CBFB: variants seen among roughly 807,000 people sequenced by gnomAD.
CBFB encodes the protein CBF-beta.
In CBFB, 9 loss-of-function variants were observed where a neutral mutation model predicts 30.4. The observed-to-expected ratio is 0.30, with a 90% CI of 0.18 to 0.52. CBFB has a LOEUF of 0.52. Ranked by LOEUF, CBFB falls within the 20% of genes least tolerant of loss-of-function variation. The pLI is 0.97. For missense variants in CBFB, 170 were observed against 244.0 expected (o/e 0.70, Z 2.02); for synonymous variants, 94 against 84.0 (o/e 1.12, Z -0.65).
intron 5 of CBFB, among the ~76,000 whole-genome samples, chr16:67,089,768 G>A (rs914581268): frequency 6.6e-6 from 1 of 152,064 alleles, no homozygotes; most frequent in Non-Finnish European, 1.5e-5. Flanking sequence ...TTTGCATCCC[G>A]GCTCCACTAC....
intron 3 of CBFB, among the ~76,000 whole-genome samples, chr16:67,050,141 C>G (rs1966711987): frequency 6.7e-6 from 1 of 148,440 alleles, no homozygotes; most frequent in South Asian, 2.1e-4. Context: ...AGTTACTCTA[C>G]TGATATATAT....
chr16:67,054,008 A>G (rs1184396983), intron 3 of CBFB, among the ~76,000 whole-genome samples: 1 of 152,010 alleles, frequency 6.6e-6, no homozygotes, highest in African/African-American at 2.4e-5. Flanking sequence ...TTTTGCCCTC[A>G]GGATCTTGGT....
At chr16:67,080,309 T>C (rs1388635058) in intron 4 of CBFB, among the ~76,000 whole-genome samples, 1 of 152,144 alleles carries the variant, frequency 6.6e-6, no homozygotes, top group African/African-American at 2.4e-5. Flanking sequence ...TGCAATGGTC[T>C]AAGTGAGATT....
intron 3 of CBFB, among the ~76,000 whole-genome samples, chr16:67,065,198 C>A (rs917951772): frequency 6.6e-6 from 1 of 152,164 alleles, no homozygotes; most frequent in African/African-American, 2.4e-5. Context: ...CGCGCCTAGC[C>A]AGGATGTAGG....
intron 3 of CBFB, among the ~76,000 whole-genome samples, chr16:67,062,620 C>T (rs910768926): frequency 3.3e-5 from 5 of 151,400 alleles, no homozygotes; most frequent in East Asian, 2.0e-4. Context: ...GGTGAAACCC[C>T]GTCTCTACTA....
chr16:67,066,662 C>A lies in CBFB; in HGVS notation c.283-20C>A, dbSNP rs889923429. On this transcript the variant is annotated intron_variant, in intron 3 of 5. Coordinates refer to ENST00000412916, the MANE Select transcript of CBFB (RefSeq NM_022845.3). ...GTGTCTGATGGTTTTCAATTATTTT[C>A]ATCCTTTTCTGTGTCTTAGGTATAT... 5 of 1,295,920 alleles carry A rather than the reference C, an allele frequency of 3.9e-6. No individual in the cohort carries two copies. In the African/African-American group the frequency reaches 5.8e-5, roughly 15 times the overall value. The allele number at this position is 1,295,920 out of a possible 1,614,324, so 80.3% of individuals were successfully genotyped here. A position where few individuals can be genotyped will look rare whatever the true frequency, so the allele number is the denominator to read the frequency against.
At chr16:67,036,522 T>C (rs1966442361) in intron 2 of CBFB, 117 bp from the exon 3 acceptor site, 1 of 620,682 alleles carries the variant, frequency 1.6e-6, no homozygotes, top group Non-Finnish European at 3.0e-6. Context: ...TTTTTACTTT[T>C]AAGTATTCTC....
At chr16:67,044,553 A>G (rs529942823) in intron 3 of CBFB, among the ~76,000 whole-genome samples, 290 of 152,312 alleles carry the variant, frequency 1.9e-3, no homozygotes, top group Non-Finnish European at 3.1e-3. Context: ...TTTATACTTA[A>G]AAGTCTTTTA....
intron 3 of CBFB, among the ~76,000 whole-genome samples, chr16:67,040,034 C>T (rs770547901): frequency 5.3e-5 from 8 of 152,172 alleles, no homozygotes; most frequent in Non-Finnish European, 1.2e-4. Context: ...AAAACTCGTA[C>T]TGTACTGTTC....
intron 5 of CBFB, among the ~76,000 whole-genome samples, chr16:67,094,019 T>C (rs941431029): frequency 3.3e-5 from 5 of 152,206 alleles, no homozygotes; most frequent in Non-Finnish European, 5.9e-5. Flanking sequence ...TTCCTTCATA[T>C]GACGGTCAAT....
intron 1 of CBFB, 114 bp from the exon 2 acceptor site, chr16:67,029,613 G>C: frequency 7.6e-7 from 1 of 1,312,664 alleles, no homozygotes; most frequent in Non-Finnish European, 1.0e-6. Flanking sequence ...AATCTCGCCG[G>C]GGCGGCCATC....
Position 67,098,836 on chromosome 16 carries a change from C to A in CBFB, c.*58C>A. On this transcript the variant is annotated 3_prime_UTR_variant, in exon 6 of 6. Transcript: ENST00000412916. ...TTACATACACATTGCTTCTAGTTGG[C>A]AGAAATAATTGATTAAAAGACCAGA... 1.0e-6 allele frequency: 1 copy of A among 974,358 alleles called. No individual in the cohort carries two copies. The highest frequency in any genetic ancestry group is 1.7e-6 in the Non-Finnish European group (1 of 602,246). 60.4% of individuals were successfully genotyped at this position (974,358 alleles called of 1,614,324 possible).
chr16:67,048,390 G>A (rs13337006), intron 3 of CBFB, among the ~76,000 whole-genome samples: 5,293 of 152,306 alleles, frequency 0.035, 310 homozygotes, highest in African/African-American at 0.12. Flanking sequence ...GACCAGGGGA[G>A]AGAATTGAGC....
intron 3 of CBFB, among the ~76,000 whole-genome samples, chr16:67,045,406 A>C (rs563489949): frequency 2.0e-5 from 3 of 152,118 alleles, no homozygotes; most frequent in Non-Finnish European, 4.4e-5. Flanking sequence ...AATCCCAGCT[A>C]CTTGGGAGAC....
At chr16:67,091,190 AAG>A (rs1337464126) in intron 5 of CBFB, among the ~76,000 whole-genome samples, 1 of 152,228 alleles carries the variant, frequency 6.6e-6, no homozygotes, top group African/African-American at 2.4e-5. Flanking sequence ...CTACCAGAGG[AAG>A]AGAGTCTTGG....
rs1961202047 is a variant in CBFB at position 67,070,816 on chromosome 16, A to G, written c.399+4018A>G. On this transcript the variant is annotated intron_variant, in intron 4 of 5. Coordinates refer to ENST00000412916, the MANE Select transcript of CBFB (RefSeq NM_022845.3). ...CAATGAGCCGAGATCACACCACTGC[A>G]CTCCAGCCTGGGTGACAGAGCAAGA... Among the ~76,000 whole-genome samples, 3 of 152,124 alleles carry G rather than the reference A, an allele frequency of 2.0e-5. No homozygotes were observed. The South Asian group carries it at 6.2e-4, about 31-fold the overall frequency.
intron 4 of CBFB, among the ~76,000 whole-genome samples, chr16:67,068,335 C>T (rs1209939592): frequency 6.6e-6 from 1 of 152,000 alleles, no homozygotes; most frequent in Non-Finnish European, 1.5e-5. Context: ...TAAAAATTAA[C>T]CAGGTGTGGT....
intron 5 of CBFB, among the ~76,000 whole-genome samples, chr16:67,095,799 C>A: frequency 6.6e-6 from 1 of 151,306 alleles, no homozygotes; most frequent in Middle Eastern, 3.4e-3. Context: ...TTCACGCGAT[C>A]CTCCTGCCTC....
intron 3 of CBFB, among the ~76,000 whole-genome samples, chr16:67,038,062 C>A (rs925192419): frequency 6.6e-6 from 1 of 151,912 alleles, no homozygotes; most frequent in African/African-American, 2.4e-5. Context: ...AAAGAAGAAA[C>A]CCTCTTTTAA....
Sources: allele counts gnomAD v4.1 joint callset (sites outside exome capture counted in the v4.1 genomes callset), GRCh38; gene constraint gnomAD v4.1.1; transcripts MANE v1.5; gene names NCBI Gene and HGNC (gene_info 2026-07-23, HGNC 2026-07-21).